The following HTR1F variants were observed in gnomAD, a reference collection of about 807,000 sequenced individuals.
The protein encoded by HTR1F is 5-hydroxytryptamine receptor 1F.
Under a neutral mutation model 24.0 loss-of-function variants are expected in HTR1F, and 17 were observed. The observed-to-expected ratio is 0.71, with a 90% CI of 0.48 to 1.06. The LOEUF is 1.06. HTR1F is among the 50% of genes least tolerant of loss of function. HTR1F has a pLI of 0.00. For missense variants in HTR1F, 391 were observed against 427.8 expected (o/e 0.91, Z 0.76); for synonymous variants, 186 against 156.8 (o/e 1.19, Z -1.39).
chr3:87,864,346 G>A (rs540184231), intron 2 of HTR1F, among the ~76,000 whole-genome samples: 8 of 152,210 alleles, frequency 5.3e-5, no homozygotes, highest in Middle Eastern at 3.4e-3. Flanking sequence ...CTCCTTTAGC[G>A]TGAGATAACA....
intron 2 of HTR1F, among the ~76,000 whole-genome samples, chr3:87,830,846 G>A (rs1704559088): frequency 6.6e-6 from 1 of 152,146 alleles, no homozygotes; most frequent in Non-Finnish European, 1.5e-5. Flanking sequence ...AAGTTCCTGG[G>A]TGAAAATCAG....
intron 2 of HTR1F, among the ~76,000 whole-genome samples, chr3:87,941,569 A>G (rs1704569708): frequency 6.6e-6 from 1 of 152,184 alleles, no homozygotes; most frequent in South Asian, 2.1e-4. Context: ...TCCAGGTATG[A>G]GAACTGGCTC....
At chr3:87,879,022 T>A (rs990583759) in intron 2 of HTR1F, among the ~76,000 whole-genome samples, 5 of 152,232 alleles carry the variant, frequency 3.3e-5, no homozygotes, top group Non-Finnish European at 7.3e-5. Flanking sequence ...AAATGAATTT[T>A]GATTTGTGCT....
Position 87,845,035 on chromosome 3 carries a change from T to A in HTR1F, c.-43+22911T>A, listed in dbSNP as rs181953898. 1.3e-4 allele frequency among the ~76,000 whole-genome samples: 19 copies of A among 151,874 alleles called. No homozygotes were observed. The East Asian group carries it at 2.3e-3, about 19-fold the overall frequency. On this transcript the variant is annotated intron_variant, in intron 2 of 2. Coordinates refer to ENST00000319595, the MANE Select transcript of HTR1F (RefSeq NM_001322209.2). The stretch of plus-strand genomic sequence containing the variant: ...AGGCCTTTGACAAAATTCAACAACC[T>A]TTCATGCTAAAAACTCTCAATAAAT...
intron 2 of HTR1F, among the ~76,000 whole-genome samples, chr3:87,946,642 T>A (rs11128013): frequency 7.2e-6 from 1 of 139,052 alleles, no homozygotes; most frequent in East Asian, 2.1e-4. Context: ...TTTTTTTTTT[T>A]AAACAGTCTC....
chr3:87,941,254 C>T (rs1323321287), intron 2 of HTR1F, among the ~76,000 whole-genome samples: 1 of 152,104 alleles, frequency 6.6e-6, no homozygotes, highest in Non-Finnish European at 1.5e-5. Flanking sequence ...GTTATTTTAC[C>T]ATACCTGGGA....
intron 2 of HTR1F, among the ~76,000 whole-genome samples, chr3:87,865,334 TAAA>T (rs1445990279): frequency 6.6e-6 from 1 of 152,142 alleles, no homozygotes; most frequent in Admixed American, 6.6e-5. Context: ...AATATATTAT[TAAA>T]AATGCACAGA....
chr3:87,989,875 CAA>C (rs935784550), intron 2 of HTR1F, among the ~76,000 whole-genome samples: 4 of 152,118 alleles, frequency 2.6e-5, no homozygotes, highest in African/African-American at 9.7e-5. Context: ...CTGGAAATTA[CAA>C]AGTTTTCCAG....
chr3:87,906,015 T>C (rs915505807), intron 2 of HTR1F, among the ~76,000 whole-genome samples: 2 of 152,100 alleles, frequency 1.3e-5, no homozygotes, highest in Non-Finnish European at 1.5e-5. Context: ...TGGATGATTG[T>C]TACAAGAATG....
At chr3:87,869,755 C>A (rs1411342889) in intron 2 of HTR1F, among the ~76,000 whole-genome samples, 1 of 151,962 alleles carries the variant, frequency 6.6e-6, no homozygotes, top group Non-Finnish European at 1.5e-5. Flanking sequence ...TGAGGCCTAC[C>A]CATGTTAGGA....
At chr3:87,921,116 A>G (rs1704004515) in intron 2 of HTR1F, among the ~76,000 whole-genome samples, 1 of 152,024 alleles carries the variant, frequency 6.6e-6, no homozygotes, top group African/African-American at 2.4e-5. Context: ...ACATCTACAA[A>G]TAAATGTCTA....
At chr3:87,886,000 A>G (rs1705932845) in intron 2 of HTR1F, among the ~76,000 whole-genome samples, 1 of 152,300 alleles carries the variant, frequency 6.6e-6, no homozygotes, top group South Asian at 2.1e-4. Flanking sequence ...TGAGGCCAGC[A>G]TCATCCTGAT....
At chr3:87,938,683 TG>T (rs1704487911) in intron 2 of HTR1F, among the ~76,000 whole-genome samples, 2 of 152,146 alleles carry the variant, frequency 1.3e-5, no homozygotes, top group South Asian at 4.2e-4. Context: ...AAACAAGAAA[TG>T]GGGAAAGGAC....
chr3:87,948,230 C>T (rs1401413778), intron 2 of HTR1F, among the ~76,000 whole-genome samples: 2 of 152,104 alleles, frequency 1.3e-5, no homozygotes, highest in Non-Finnish European at 2.9e-5. Flanking sequence ...ATTTTCAGAG[C>T]ATCCTAATTA....
intron 2 of HTR1F, among the ~76,000 whole-genome samples, chr3:87,946,790 T>A (rs1704719912): frequency 6.6e-6 from 1 of 151,790 alleles, no homozygotes; most frequent in South Asian, 2.1e-4. Flanking sequence ...CACGCCCAGC[T>A]AATTTTTTGT....
intron 2 of HTR1F, among the ~76,000 whole-genome samples, chr3:87,920,378 C>G (rs3103420): frequency 1.3e-5 from 2 of 151,948 alleles, no homozygotes; most frequent in African/African-American, 4.8e-5. Context: ...CAAACACCAC[C>G]TGTTCCCCCA....
chr3:87,978,494 C>T (rs749096107), intron 2 of HTR1F, among the ~76,000 whole-genome samples: 2 of 152,174 alleles, frequency 1.3e-5, no homozygotes, highest in Non-Finnish European at 2.9e-5. Context: ...AGTACAGCAA[C>T]AGTACAGCTC....
chr3:87,916,615 T>TA (rs1244646804), intron 2 of HTR1F, among the ~76,000 whole-genome samples: 1 of 152,062 alleles, frequency 6.6e-6, no homozygotes, highest in Non-Finnish European at 1.5e-5. Context: ...CAACAATGGT[T>TA]AAAAGAGACA....
intron 2 of HTR1F, among the ~76,000 whole-genome samples, chr3:87,979,999 C>T (rs1169432429): frequency 2.0e-5 from 3 of 152,206 alleles, no homozygotes; most frequent in Admixed American, 6.5e-5. Flanking sequence ...GGAGCCCTTA[C>T]ATCTGTGTTC....
Sources: gnomAD v4.1 joint callset for allele counts (sites outside exome capture counted in the v4.1 genomes callset) on GRCh38, gnomAD v4.1.1 for gene constraint, MANE v1.5 for transcripts, NCBI Gene and HGNC (gene_info 2026-07-23, HGNC 2026-07-21) for gene names.